The following USP6 variants were observed in gnomAD, a reference collection of about 807,000 sequenced individuals.
The protein encoded by USP6 is ubiquitin carboxyl-terminal hydrolase 6.
Under a neutral mutation model 175.7 loss-of-function variants are expected in USP6, and 128 were observed. The ratio of observed to expected loss-of-function variants is 0.73; its 90% confidence interval spans 0.63 to 0.84. The LOEUF (loss-of-function observed/expected upper bound fraction) is 0.84. Ranked by LOEUF, USP6 falls within the 40% of genes least tolerant of loss-of-function variation. The probability of loss-of-function intolerance (pLI) is 0.00; values close to 1 mark genes in which losing one functional copy is unlikely to be tolerated. For synonymous variants in USP6, 562 were observed against 630.6 expected, an observed-to-expected ratio of 0.89 and a Z score of 1.63; for missense variants, 1,498 against 1,760.3, an observed-to-expected ratio of 0.85 and a Z score of 2.67.
At chr17:5,123,007 C>A in intron 4 of USP6, 1 of 153,334 alleles carries the variant, frequency 6.5e-6, no homozygotes, top group South Asian at 1.8e-4. Context: ...CTTGGGCGTC[C>A]GGCTCGTCTT....
chr17:5,116,488 C>G lies in USP6; in HGVS notation c.-2180C>G, dbSNP rs1452901640. The G allele has an allele frequency of 6.6e-6, 1 of 152,264 alleles. No individual in the cohort carries two copies. Among genetic ancestry groups the G allele is most frequent in the African/African-American group, 2.4e-5 (1 of 41,454 alleles). The allele number at this position is 152,264 out of a possible 1,614,324, so 9.4% of individuals were successfully genotyped here. ...GGGCGTCTACCTGGAGTCACTGAGC[C>G]GACGAAAGGGAAAAGGCCAGTGCCT... On this transcript the variant is annotated 5_prime_UTR_variant, in exon 1 of 38. Transcript: ENST00000574788.
chr17:5,161,085 T>A (rs1408541576), intron 31 of USP6, among the ~76,000 whole-genome samples: 1 of 152,240 alleles, frequency 6.6e-6, no homozygotes, highest in Non-Finnish European at 1.5e-5. Flanking sequence ...AAGGCAGTAC[T>A]TAGCATGTAC....
intron 30 of USP6, 112 bp downstream of exon 30, chr17:5,148,879 AT>A (rs928965386): frequency 6.9e-7 from 1 of 1,455,036 alleles, no homozygotes; most frequent in African/African-American, 1.4e-5. Flanking sequence ...TTTTTCTTTA[AT>A]TTTTAAAAAT....
intron 4 of USP6, among the ~76,000 whole-genome samples, chr17:5,122,125 CG>C (rs896956881): frequency 1.1e-5 from 1 of 89,760 alleles, no homozygotes; most frequent in African/African-American, 4.4e-5. Flanking sequence ...AGAAGTCCTG[CG>C]GGGTGGAGGG....
chr17:5,136,780 G>A (rs1251915368), intron 18 of USP6, 46 bp downstream of exon 18: 2 of 1,601,914 alleles, frequency 1.2e-6, no homozygotes, highest in Admixed American at 1.7e-5. Flanking sequence ...CCTGCCTCCT[G>A]TGGGGCTGTA....
At position 5,140,195 on chromosome 17, in the gene USP6, G is replaced by T. The variant is rs539780343; in HGVS notation, c.1498+521G>T. 7.9e-5 allele frequency among the ~76,000 whole-genome samples: 12 copies of T among 152,264 alleles called. No homozygotes were observed. The East Asian group carries it at 2.3e-3, about 29-fold the overall frequency. The stretch of plus-strand genomic sequence containing the variant: ...ATGATTTTAGATATACAGAAATATT[G>T]TAAAGGCACTACAGTGTCCTCCTAC... On this transcript the variant is annotated intron_variant, in intron 22 of 37. Transcript: ENST00000574788.
chr17:5,149,130 C>A (rs1296393238), intron 30 of USP6, among the ~76,000 whole-genome samples: 1 of 152,102 alleles, frequency 6.6e-6, no homozygotes, highest in Non-Finnish European at 1.5e-5. Context: ...TGGCCAGGTG[C>A]AGTGGCTCAC....
Position 5,173,532 on chromosome 17 carries a change from TC to T in USP6, c.*555del, listed in dbSNP as rs2074268827. ...AAACTGTTTCCATACCCTTTCTTTT[TC>T]TTGCTTTTTGTTTTTGCCATTGTGT... On this transcript the variant is annotated 3_prime_UTR_variant, in exon 38 of 38. Coordinates refer to ENST00000574788, the MANE Select transcript of USP6 (RefSeq NM_001304284.2). The T allele has an allele frequency of 4.6e-6, 1 of 219,276 alleles. No individual in the cohort carries two copies. The highest frequency in any genetic ancestry group is 1.8e-4 in the South Asian group (1 of 5,444). 13.6% of individuals were successfully genotyped at this position (219,276 alleles called of 1,614,324 possible). A position where few individuals can be genotyped will look rare whatever the true frequency, so the allele number is the denominator to read the frequency against.
chr17:5,135,644 G>A (rs971715540), intron 16 of USP6, among the ~76,000 whole-genome samples, 164 bp from the exon 17 acceptor site: 2 of 152,214 alleles, frequency 1.3e-5, no homozygotes, highest in African/African-American at 4.8e-5. Flanking sequence ...TGAAGTGCCT[G>A]ATGGACTTTG....
At chr17:5,138,606 C>T (rs1379508742) in intron 21 of USP6, among the ~76,000 whole-genome samples, 1 of 152,148 alleles carries the variant, frequency 6.6e-6, no homozygotes, top group African/African-American at 2.4e-5. Context: ...AGACCCCGCC[C>T]CTCCCTGCAA....
At chr17:5,170,387 C>T in intron 35 of USP6, 92 bp from the exon 36 acceptor site, 2 of 1,523,906 alleles carry the variant, frequency 1.3e-6, no homozygotes, top group Non-Finnish European at 1.8e-6. Context: ...TTTGTGTGTA[C>T]AGTTGCAAAG....
intron 31 of USP6, among the ~76,000 whole-genome samples, chr17:5,160,854 A>AT (rs2073991647): frequency 6.6e-6 from 1 of 152,210 alleles, no homozygotes; most frequent in African/African-American, 2.4e-5. Flanking sequence ...ACAGTGTAAA[A>AT]GTGTTCCTAT....
chr17:5,142,178 A>G (rs1330179948), intron 24 of USP6, 37 bp downstream of exon 24: 2 of 1,594,880 alleles, frequency 1.3e-6, no homozygotes, highest in South Asian at 2.3e-5. Flanking sequence ...TTAACCTGTG[A>G]CTTTGATATA....
chr17:5,156,401 G>A (rs2073885925), intron 31 of USP6, among the ~76,000 whole-genome samples: 1 of 151,634 alleles, frequency 6.6e-6, no homozygotes, highest in African/African-American at 2.4e-5. Context: ...TCCACCTCCC[G>A]GGTTCAAACG....
Position 5,138,232 on chromosome 17 carries a change from C to T in USP6, c.1037C>T (p.Thr346Met), listed in dbSNP as rs764268758. Residue 346 changes from threonine (T) to methionine (M), a missense_variant, in exon 21 of 38, where the codon ACG becomes ATG. Thr to Met is a moderately conservative substitution (Grantham distance 81). Coordinates refer to ENST00000574788, the MANE Select transcript of USP6 (RefSeq NM_001304284.2). ...GTGCTCAAGCATCTTAGGGCCTCTA[C>T]GAAGAAACTAACAAGGAAGCAAGGG... ...DTVLKHLRAS[T>M]KKLTRKQGDL... 1.6e-5 allele frequency: 26 copies of T among 1,613,906 alleles called. No homozygotes were observed. Among genetic ancestry groups the T allele is most frequent in the East Asian group, 6.7e-5 (3 of 44,888 alleles).
rs1198806544 is a variant in USP6 at position 5,124,827 on chromosome 17, C to A, written c.-1037C>A. The A allele has an allele frequency of 6.6e-6, 1 of 152,230 alleles. No homozygotes were observed. 9.4% of individuals were successfully genotyped at this position (152,230 alleles called of 1,614,324 possible). A position where few individuals can be genotyped will look rare whatever the true frequency, so the allele number is the denominator to read the frequency against. On this transcript the variant is annotated 5_prime_UTR_variant, in exon 5 of 38. The change creates a premature stop within an existing upstream ORF in the 5' untranslated region. Coordinates refer to ENST00000574788, the MANE Select transcript of USP6 (RefSeq NM_001304284.2). ...AATGCTCCACGGAGCTCCAGGCTTA[C>A]TATCTACAGCCCCCAAAGTGTGCTG...
chr17:5,171,029 A>G (rs2074205918), intron 36 of USP6, 114 bp downstream of exon 36: 1 of 1,293,394 alleles, frequency 7.7e-7, no homozygotes, highest in African/African-American at 1.5e-5. Context: ...CATTGAGCTT[A>G]GTGATAGACA....
At position 5,122,107 on chromosome 17, in the gene USP6, G is replaced by C. The variant is rs374923673; in HGVS notation, c.-1299+357G>C. ...GTGTCAGGGGGCTGGAGCAGGGAGT[G>C]TGGCCAGAGAAGTCCTGCGGGGTGG... On this transcript the variant is annotated intron_variant, in intron 4 of 37. Transcript: ENST00000574788. Among the ~76,000 whole-genome samples, 29 of 151,722 alleles carry C rather than the reference G, an allele frequency of 1.9e-4. No homozygotes were observed. The South Asian group carries it at 2.3e-3, about 12-fold the overall frequency.
At chr17:5,141,306 C>T in intron 22 of USP6, 119 bp from the exon 23 acceptor site, 1 of 854,486 alleles carries the variant, frequency 1.2e-6, no homozygotes, top group African/African-American at 1.8e-5. Context: ...CTAAAATTAG[C>T]TAGATTTTAA....
Sources: gnomAD v4.1 joint callset for allele counts (sites outside exome capture counted in the v4.1 genomes callset) on GRCh38, gnomAD v4.1.1 for gene constraint, MANE v1.5 for transcripts, NCBI Gene and HGNC (gene_info 2026-07-23, HGNC 2026-07-21) for gene names.